The following DBN1 variants were observed in gnomAD, a reference collection of about 807,000 sequenced individuals.
DBN1 encodes the protein drebrin 1.
DBN1 carries 21 observed loss-of-function variants against 83.5 expected under a neutral mutation model. The observed-to-expected ratio is 0.25, with a 90% CI of 0.18 to 0.36. DBN1 has a LOEUF of 0.36. Ranked by LOEUF, DBN1 falls within the 10% of genes least tolerant of loss-of-function variation. DBN1 has a pLI of 1.00. For synonymous variants in DBN1, 381 were observed against 384.9 expected, an observed-to-expected ratio of 0.99 and a Z score of 0.12; for missense variants, 874 against 935.7, an observed-to-expected ratio of 0.93 and a Z score of 0.86.
rs760598012 is a variant in DBN1, at chr5:177,472,071, G to T, written c.86+1365C>A. ...CCCTGGGGCAGGGCTGGGACAATGG[G>T]TGGGCCGCCTGCCTGCTGAGCCTGT... On this transcript the variant is annotated intron_variant, in intron 1 of 14. Transcript: ENST00000393565. 5.1e-6 allele frequency: 8 copies of T among 1,583,398 alleles called. No homozygotes were observed. The South Asian group carries it at 8.0e-5, about 16-fold the overall frequency.
intron 10 of DBN1, 121 bp downstream of exon 10, chr5:177,460,310 TG>T: frequency 7.0e-7 from 1 of 1,433,018 alleles, no homozygotes; most frequent in Non-Finnish European, 9.7e-7. Context: ...GCACGCTGGA[TG>T]AAGGGTCTCG....
At position 177,473,495 on chromosome 5, in the gene DBN1, G is replaced by C. The variant is rs1338671408; in HGVS notation, c.27C>G (p.His9Gln). MAGVSFSG[H>Q]RLELLAAYEE... ...CGTAAGCCGCCAGCAGCTCCAGGCG[G>C]TGGCCGCTGAAGCTGACGCCGGCCA... is the stretch of plus-strand genomic sequence containing the variant. Residue 9 changes from histidine to glutamine, a missense_variant, in exon 1 of 15, where the codon CAC becomes CAG. Physicochemically the swap from His to Gln is conservative, Grantham distance 24 (BLOSUM62 0). Around this residue, in one of 4 missense-constraint regions of DBN1, gnomAD observed 82 missense variants for 101.7 expected, o/e 0.81. Coordinates refer to ENST00000393565, the MANE Select transcript of DBN1 (RefSeq NM_001363541.2). 2 of 1,435,726 alleles carry C rather than the reference G, an allele frequency of 1.4e-6. No individual in the cohort carries two copies. The highest frequency in any genetic ancestry group is 1.8e-6 in the Non-Finnish European group (2 of 1,087,372). The allele number at this position is 1,435,726 out of a possible 1,614,324, so 88.9% of individuals were successfully genotyped here.
intron 8 of DBN1, among the ~76,000 whole-genome samples, chr5:177,465,244 GC>G (rs1302876531): frequency 2.0e-5 from 3 of 152,262 alleles, no homozygotes; most frequent in Admixed American, 6.5e-5. Context: ...ATATGATTCA[GC>G]CTTCAAAAAG....
intron 1 of DBN1, chr5:177,472,179 G>A (rs1757897671): frequency 6.2e-7 from 1 of 1,613,528 alleles, no homozygotes; most frequent in African/African-American, 1.3e-5. Flanking sequence ...GCTGGCCAGT[G>A]CTGCAGTACC....
At chr5:177,472,017 GC>G (rs1184311816) in intron 1 of DBN1, 2 of 1,357,612 alleles carry the variant, frequency 1.5e-6, no homozygotes. Flanking sequence ...CCGGCCACTT[GC>G]CCAGAGCTCC....
chr5:177,465,227 C>A (rs148756152), intron 8 of DBN1, among the ~76,000 whole-genome samples: 1 of 152,206 alleles, frequency 6.6e-6, no homozygotes, highest in African/African-American at 2.4e-5. Flanking sequence ...TATATCCATA[C>A]AATGGAATAT....
Position 177,468,238 on chromosome 5 carries a change from G to A in DBN1, c.143-18C>T, listed in dbSNP as rs368587914. On this transcript the variant is annotated intron_variant, in intron 2 of 14. Transcript: ENST00000393565. Reference sequence around the variant, plus strand: ...GCCCCCTTCTAGGGTAATCAGGAGAGTGTCAGGTCTCTCTGCCTCCTAAAC... The same window carrying A: ...GCCCCCTTCTAGGGTAATCAGGAGAATGTCAGGTCTCTCTGCCTCCTAAAC... The A allele has an allele frequency of 2.6e-5, 41 of 1,602,762 alleles. No individual in the cohort carries two copies. In the African/African-American group the frequency reaches 4.0e-4, roughly 16 times the overall value.
chr5:177,459,860 G>A, intron 10 of DBN1, 120 bp from the exon 11 acceptor site: 1 of 1,169,078 alleles, frequency 8.6e-7, no homozygotes, highest in Non-Finnish European at 1.1e-6. Context: ...GCTGCCTTCA[G>A]CCAGGGGCAC....
intron 1 of DBN1, chr5:177,472,680 C>T (rs925016473): frequency 3.1e-6 from 2 of 637,126 alleles, no homozygotes; most frequent in Middle Eastern, 6.9e-4. Flanking sequence ...AGGGCTTCCT[C>T]CCAGGGATCT....
chr5:177,472,399 T>C (rs975595365), intron 1 of DBN1: 32 of 1,444,264 alleles, frequency 2.2e-5, no homozygotes, highest in Non-Finnish European at 2.8e-5. Flanking sequence ...GCACCTTCCC[T>C]AGAAGAAGAG....
Position 177,466,692 on chromosome 5 carries a change from T to A in DBN1, c.771+80A>T. The A allele has an allele frequency of 6.6e-7, 1 of 1,512,248 alleles. No individual in the cohort carries two copies. Among genetic ancestry groups the A allele is most frequent in the Non-Finnish European group, 9.2e-7 (1 of 1,087,312 alleles). The allele number at this position is 1,512,248 out of a possible 1,614,324, so 93.7% of individuals were successfully genotyped here. A position where few individuals can be genotyped will look rare whatever the true frequency, so the allele number is the denominator to read the frequency against. On this transcript the variant is annotated intron_variant, in intron 8 of 14. Coordinates refer to ENST00000393565, the MANE Select transcript of DBN1 (RefSeq NM_001363541.2). This position sits in a 1 kb window ranked among gnomAD's most constrained non-coding sequence, Gnocchi z 4.8. ...GCCACCACTGTCCCTGAGCCACTGA[T>A]CTCCCCACAAGGCCCAGGAACACAG...
chr5:177,458,583 A>G lies in DBN1; in HGVS notation c.1389T>C (p.Pro463=). ...ACTCCATGAACATCAAGTCCTCTGC[A>G]GGGCTGCCTGGCCCCCGGGGAGGCG... ...AQAPPRGPGS[P]AEDLMFMESA... Residue 463 remains proline, a synonymous_variant, in exon 13 of 15, where the codon CCT becomes CCC. Coordinates refer to ENST00000393565, the MANE Select transcript of DBN1 (RefSeq NM_001363541.2). The G allele has an allele frequency of 6.2e-7, 1 of 1,613,812 alleles. No homozygotes were observed. Among genetic ancestry groups the G allele is most frequent in the Non-Finnish European group, 8.5e-7 (1 of 1,179,818 alleles).
At chr5:177,460,878 C>A (rs1234256172) in intron 8 of DBN1, among the ~76,000 whole-genome samples, 175 bp from the exon 9 acceptor site, 4 of 152,298 alleles carry the variant, frequency 2.6e-5, no homozygotes, top group African/African-American at 9.6e-5. Context: ...CTCCTGGGCT[C>A]AAGCAATCCT....
intron 1 of DBN1, among the ~76,000 whole-genome samples, chr5:177,471,538 C>T (rs1468564746): frequency 6.6e-6 from 1 of 152,142 alleles, no homozygotes; most frequent in African/African-American, 2.4e-5. Flanking sequence ...GACCTATGTG[C>T]AGGGTCTGCC....
intron 11 of DBN1, 58 bp downstream of exon 11, chr5:177,459,545 C>A: frequency 6.9e-7 from 1 of 1,441,122 alleles, no homozygotes; most frequent in Non-Finnish European, 9.2e-7. Context: ...GGGCGGGGGG[C>A]TGCTGGGAAG....
rs1757546678 is a variant in DBN1, at chr5:177,467,675, T to A, written c.331-48A>T. ...CTCAGGCGGCACCATCCTCCCGCCA[T>A]CCCCACCCCAGCACGCAGACCCTGG... is the stretch of plus-strand genomic sequence containing the variant. On this transcript the variant is annotated intron_variant, in intron 4 of 14. Coordinates refer to ENST00000393565, the MANE Select transcript of DBN1 (RefSeq NM_001363541.2). The surrounding 1 kb of genome is among the most constrained non-coding windows in gnomAD (Gnocchi z 9.1). 17 of 1,558,230 alleles carry A rather than the reference T, an allele frequency of 1.1e-5. No individual in the cohort carries two copies. The highest frequency in any genetic ancestry group is 1.4e-5 in the Non-Finnish European group (16 of 1,151,192).
In DBN1 at chr5:177,466,722, C is replaced by T; in HGVS notation, c.771+50G>A. The T allele has an allele frequency of 9.4e-6, 15 of 1,596,258 alleles. No individual in the cohort carries two copies. The highest frequency in any genetic ancestry group is 1.3e-5 in the Non-Finnish European group (15 of 1,163,766). On this transcript the variant is annotated intron_variant, in intron 8 of 14. Coordinates refer to ENST00000393565, the MANE Select transcript of DBN1 (RefSeq NM_001363541.2). This position sits in a 1 kb window ranked among gnomAD's most constrained non-coding sequence, Gnocchi z 4.8. ...CCACAAGGCCCAGGAACACAGGGACCATTCTCACTTCCCTGACCCAGAGAC... is the reference window on the plus strand; with the variant it reads ...CCACAAGGCCCAGGAACACAGGGACTATTCTCACTTCCCTGACCCAGAGAC...
intron 1 of DBN1, among the ~76,000 whole-genome samples, chr5:177,471,590 G>A (rs888149397): frequency 6.6e-6 from 1 of 152,130 alleles, no homozygotes; most frequent in Non-Finnish European, 1.5e-5. Context: ...TTCCATGCTG[G>A]GCCCTGGGGT....
chr5:177,468,356 TC>T, intron 2 of DBN1, 136 bp from the exon 3 acceptor site: 1 of 710,382 alleles, frequency 1.4e-6, no homozygotes, highest in Non-Finnish European at 2.4e-6. Context: ...GGTCTGTGGG[TC>T]CCAGTTTTGT....
Sources: allele counts gnomAD v4.1 joint callset (sites outside exome capture counted in the v4.1 genomes callset), GRCh38; gene constraint gnomAD v4.1.1; regional missense constraint gnomAD v4.1.1; non-coding constraint Gnocchi (gnomAD v3.1); transcripts MANE v1.5; gene names NCBI Gene and HGNC (gene_info 2026-07-23, HGNC 2026-07-21).